Variants in CUBN observed in about 807,000 individuals in gnomAD.
CUBN encodes 460 kDa receptor.
Under a neutral mutation model 405.3 loss-of-function variants are expected in CUBN, and 282 were observed. The observed-to-expected ratio is 0.70, with a 90% CI of 0.63 to 0.77. The LOEUF (loss-of-function observed/expected upper bound fraction) is 0.77. Ranked by LOEUF, CUBN falls within the 30% of genes least tolerant of loss-of-function variation. CUBN has a pLI of 0.00. For missense variants in CUBN, 4,514 were observed against 4,475.2 expected, an observed-to-expected ratio of 1.01 and a Z score of -0.25; for synonymous variants, 1,684 against 1,617.0, an observed-to-expected ratio of 1.04 and a Z score of -0.99.
chr10:17,096,711 C>T (rs533086697), intron 14 of CUBN, among the ~76,000 whole-genome samples: 1 of 152,078 alleles, frequency 6.6e-6, no homozygotes, highest in South Asian at 2.1e-4. Context: ...ACATTCTTTC[C>T]TGTCCATACA....
intron 40 of CUBN, among the ~76,000 whole-genome samples, chr10:16,930,977 C>T (rs1160417806): frequency 6.6e-6 from 1 of 152,012 alleles, no homozygotes; most frequent in Non-Finnish European, 1.5e-5. Context: ...TAGTCATAGG[C>T]CAGGTGTGGT....
At chr10:16,940,597 A>G (rs545199082) in intron 36 of CUBN, among the ~76,000 whole-genome samples, 1 of 152,352 alleles carries the variant, frequency 6.6e-6, no homozygotes, top group African/African-American at 2.4e-5. Flanking sequence ...GTGCTCTGCA[A>G]TAGCTTGATG....
chr10:16,925,764 T>A lies in CUBN; in HGVS notation c.6282A>T (p.Gly2094=), dbSNP rs576557890. 8.7e-6 allele frequency: 14 copies of A among 1,613,900 alleles called. No homozygotes were observed. Among genetic ancestry groups the A allele is most frequent in the Non-Finnish European group, 4.2e-6 (5 of 1,179,858 alleles). The change falls in exon 42 of 67, where the codon GGA becomes GGT. Residue 2094 remains glycine, a synonymous_variant. Coordinates refer to ENST00000377833, the MANE Select transcript of CUBN (RefSeq NM_001081.4). ...TGATCCCTCTGTCTGCATGCAAATA[T>A]CCACCGCAGCCTTCCCACAAAGAAA... is the stretch of plus-strand genomic sequence containing the variant. ...FNASFHKSCG[G]YLHADRGIIT...
At chr10:16,863,471 T>C (rs1177869171) in intron 59 of CUBN, among the ~76,000 whole-genome samples, 2 of 152,224 alleles carry the variant, frequency 1.3e-5, no homozygotes, top group African/African-American at 4.8e-5. Context: ...ATTCAAGTTA[T>C]AATTCAACTT....
At chr10:16,844,865 G>T (rs1839469159) in intron 60 of CUBN, among the ~76,000 whole-genome samples, 1 of 129,196 alleles carries the variant, frequency 7.7e-6, no homozygotes, top group African/African-American at 2.9e-5. Context: ...TATAAACTGG[G>T]ATATAAATGG....
chr10:16,856,544 A>C (rs1839873631), intron 59 of CUBN, among the ~76,000 whole-genome samples: 1 of 152,252 alleles, frequency 6.6e-6, no homozygotes, highest in Non-Finnish European at 1.5e-5. Flanking sequence ...AGCCAAGATC[A>C]ATCTGATAAG....
chr10:16,842,645 G>T (rs1389681140), intron 60 of CUBN, among the ~76,000 whole-genome samples: 1 of 152,100 alleles, frequency 6.6e-6, no homozygotes, highest in Non-Finnish European at 1.5e-5. Flanking sequence ...GCCTAATTCC[G>T]GAGCAGCCAT....
At chr10:16,988,936 T>C (rs903478634) in intron 29 of CUBN, among the ~76,000 whole-genome samples, 1 of 152,320 alleles carries the variant, frequency 6.6e-6, no homozygotes, top group East Asian at 1.9e-4. Flanking sequence ...AATGTTTAAA[T>C]GAGAACATGG....
chr10:16,972,754 T>TC (rs1485978340), intron 31 of CUBN, among the ~76,000 whole-genome samples: 2 of 151,780 alleles, frequency 1.3e-5, no homozygotes, highest in Non-Finnish European at 1.5e-5. Context: ...CAAATAGGCT[T>TC]CCCCCCACCA....
At chr10:17,124,960 T>G (rs531268194) in intron 4 of CUBN, among the ~76,000 whole-genome samples, 1 of 152,042 alleles carries the variant, frequency 6.6e-6, no homozygotes, top group African/African-American at 2.4e-5. Context: ...GCCTCCTCAG[T>G]AGCTGGGACT....
intron 17 of CUBN, among the ~76,000 whole-genome samples, chr10:17,076,713 C>T (rs1310434417): frequency 6.6e-6 from 1 of 152,120 alleles, no homozygotes; most frequent in East Asian, 1.9e-4. Flanking sequence ...AAGTGATACA[C>T]CAATTTCCAC....
chr10:17,087,466 C>CTTTTCTTTTT (rs1404980820), intron 15 of CUBN, among the ~76,000 whole-genome samples: 2 of 79,790 alleles, frequency 2.5e-5, no homozygotes, highest in Non-Finnish European at 4.6e-5. Flanking sequence ...TATTATTTTT[C>CTTTTCTTTTT]TTTTTCTTTT....
chr10:17,007,808 A>G (rs2131752726), intron 28 of CUBN, among the ~76,000 whole-genome samples: 1 of 152,282 alleles, frequency 6.6e-6, no homozygotes, highest in African/African-American at 2.4e-5. Context: ...TGCAAGGAGA[A>G]GCCTTTCTAA....
intron 66 of CUBN, among the ~76,000 whole-genome samples, chr10:16,826,592 A>G (rs909263484): frequency 7.9e-5 from 12 of 152,198 alleles, no homozygotes; most frequent in Non-Finnish European, 1.5e-4. Context: ...AAAAACAATT[A>G]CACATGAAAT....
At chr10:17,101,939 T>C (rs1836501725) in intron 13 of CUBN, among the ~76,000 whole-genome samples, 1 of 152,216 alleles carries the variant, frequency 6.6e-6, no homozygotes, top group Non-Finnish European at 1.5e-5. Context: ...GTATAGAACA[T>C]GGCAGAGCAA....
intron 50 of CUBN, among the ~76,000 whole-genome samples, chr10:16,905,392 A>G (rs766540304): frequency 6.6e-6 from 1 of 152,208 alleles, no homozygotes; most frequent in African/African-American, 2.4e-5. Flanking sequence ...TTCCATCACG[A>G]AAACCAAGAC....
At chr10:16,989,874 G>A (rs532854559) in intron 29 of CUBN, among the ~76,000 whole-genome samples, 9 of 152,302 alleles carry the variant, frequency 5.9e-5, no homozygotes, top group East Asian at 3.9e-4. Context: ...TCTATGCTCC[G>A]CCACACGAAT....
At chr10:16,956,540 G>A (rs1224946164) in intron 31 of CUBN, among the ~76,000 whole-genome samples, 3 of 151,814 alleles carry the variant, frequency 2.0e-5, no homozygotes, top group African/African-American at 7.3e-5. Flanking sequence ...ATTCATACTT[G>A]AGTCTACTCT....
intron 31 of CUBN, among the ~76,000 whole-genome samples, chr10:16,974,126 A>G (rs1833020626): frequency 6.6e-6 from 1 of 152,142 alleles, no homozygotes. Context: ...GGTCATCTAT[A>G]TTATCTCAAA....
Sources: allele counts gnomAD v4.1 joint callset (sites outside exome capture counted in the v4.1 genomes callset), GRCh38; gene constraint gnomAD v4.1.1; transcripts MANE v1.5; gene names NCBI Gene and HGNC (gene_info 2026-07-23, HGNC 2026-07-21).